Variants in RANBP2 observed in about 807,000 individuals in gnomAD.
The protein encoded by RANBP2 is E3 SUMO-protein ligase RanBP2.
In RANBP2, 57 loss-of-function variants were observed where a neutral mutation model predicts 303.6. That is an observed-to-expected ratio of 0.19 (90% CI 0.15 to 0.23). The LOEUF is 0.23. RANBP2 is among the 10% of genes least tolerant of loss of function. RANBP2 has a pLI of 1.00. For synonymous variants in RANBP2, 1,167 were observed against 1,301.5 expected (o/e 0.90, Z 2.23); for missense variants, 3,138 against 3,780.8 (o/e 0.83, Z 4.46).
At chr2:109,522,603 C>T in the RANBP2 span, among the ~76,000 whole-genome samples, 15 of 149,636 alleles carry the variant, frequency 1.0e-4, no homozygotes, top group African/African-American at 3.5e-4. Flanking sequence ...CGTGCCCAGC[C>T]TTTTTTTTTC....
chr2:109,125,766 T>C, the RANBP2 span, among the ~76,000 whole-genome samples: 1 of 152,362 alleles, frequency 6.6e-6, no homozygotes, highest in Non-Finnish European at 1.5e-5. Context: ...AATTGGCTTA[T>C]TGAACATGTG....
chr2:108,999,800 G>A, the RANBP2 span, among the ~76,000 whole-genome samples: 5 of 152,154 alleles, frequency 3.3e-5, no homozygotes, highest in Non-Finnish European at 4.4e-5. Context: ...ATGGCGGGAG[G>A]AGGCATGGGG....
chr2:109,581,877 G>A, the RANBP2 span, among the ~76,000 whole-genome samples: 1 of 152,138 alleles, frequency 6.6e-6, no homozygotes, highest in Non-Finnish European at 1.5e-5. Flanking sequence ...AAAAGAAAAA[G>A]TCAAATTATC....
At chr2:109,380,596 C>G in the RANBP2 span, among the ~76,000 whole-genome samples, 3 of 152,352 alleles carry the variant, frequency 2.0e-5, no homozygotes, top group African/African-American at 7.2e-5. Context: ...GCCAGCCTCC[C>G]TGGGAGCTTC....
intron 6 of RANBP2, among the ~76,000 whole-genome samples, chr2:108,737,249 A>G (rs187779963): frequency 8.6e-5 from 13 of 151,832 alleles, no homozygotes; most frequent in Non-Finnish European, 1.3e-4. Context: ...TGTATACTCA[A>G]ATTTTTGGTC....
the RANBP2 span, among the ~76,000 whole-genome samples, chr2:108,994,276 C>T: frequency 2.0e-5 from 3 of 152,194 alleles, no homozygotes; most frequent in Non-Finnish European, 2.9e-5. Flanking sequence ...CCAGGAGCTT[C>T]GTGCAGGGCA....
chr2:109,729,744 G>A, the RANBP2 span, among the ~76,000 whole-genome samples: 1 of 152,188 alleles, frequency 6.6e-6, no homozygotes, highest in Non-Finnish European at 1.5e-5. Flanking sequence ...CTGGCTGAAG[G>A]AAGGAGGGAA....
chr2:109,648,206 T>C, the RANBP2 span, among the ~76,000 whole-genome samples: 1 of 152,026 alleles, frequency 6.6e-6, no homozygotes, highest in Non-Finnish European at 1.5e-5. Flanking sequence ...GGGAGAAGAA[T>C]GTGAACACCG....
At chr2:108,837,149 A>G in the RANBP2 span, among the ~76,000 whole-genome samples, 1 of 151,994 alleles carries the variant, frequency 6.6e-6, no homozygotes, top group African/African-American at 2.4e-5. Flanking sequence ...TCATTCTTTT[A>G]CCTTCAGAGT....
At chr2:108,726,755 G>C (rs1371832591) in intron 1 of RANBP2, among the ~76,000 whole-genome samples, 2 of 151,870 alleles carry the variant, frequency 1.3e-5, no homozygotes, top group Non-Finnish European at 2.9e-5. Flanking sequence ...AAGGTCTCTG[G>C]TTTTCCTAGG....
chr2:109,567,696 A>G, the RANBP2 span: 48,713 of 1,022,954 alleles, frequency 0.048, 3,138 homozygotes, highest in Admixed American at 0.27. Context: ...TTGAAAATTC[A>G]CCTTGTTTGA....
chr2:109,729,542 C>T, the RANBP2 span, among the ~76,000 whole-genome samples: 9 of 151,986 alleles, frequency 5.9e-5, no homozygotes, highest in South Asian at 2.1e-4. Context: ...CCCAGCTACA[C>T]GGGAGGTTGA....
At chr2:108,855,731 C>T in the RANBP2 span, among the ~76,000 whole-genome samples, 63 of 152,290 alleles carry the variant, frequency 4.1e-4, no homozygotes, top group East Asian at 0.012. Context: ...TCACTTCACA[C>T]AAGTTATTCT....
At chr2:109,533,130 A>G in the RANBP2 span, among the ~76,000 whole-genome samples, 1 of 152,184 alleles carries the variant, frequency 6.6e-6, no homozygotes. Context: ...AGCACAAAGG[A>G]GCTCTAAAAC....
the RANBP2 span, among the ~76,000 whole-genome samples, chr2:109,637,054 T>C: frequency 6.6e-6 from 1 of 152,080 alleles, no homozygotes; most frequent in African/African-American, 2.4e-5. Context: ...TAAAAAGGAA[T>C]GTAGTAGGAG....
chr2:109,735,123 A>T, the RANBP2 span, among the ~76,000 whole-genome samples: 1 of 152,240 alleles, frequency 6.6e-6, no homozygotes, highest in East Asian at 1.9e-4. Context: ...TCCAGCTATA[A>T]TTTTTTGTCC....
At chr2:109,078,244 CGT>C in the RANBP2 span, among the ~76,000 whole-genome samples, 51 of 11,808 alleles carry the variant, frequency 4.3e-3, 2 homozygotes, top group African/African-American at 0.016. Context: ...ATATATATAG[CGT>C]GTATATATAT....
the RANBP2 span, among the ~76,000 whole-genome samples, chr2:109,040,515 T>G: frequency 6.6e-6 from 1 of 152,226 alleles, no homozygotes; most frequent in African/African-American, 2.4e-5. Context: ...TTGGAATTTT[T>G]TGTTGGAATT....
intron 23 of RANBP2, among the ~76,000 whole-genome samples, chr2:108,773,850 T>C (rs1558934512): frequency 6.6e-6 from 1 of 152,192 alleles, no homozygotes; most frequent in African/African-American, 2.4e-5. Flanking sequence ...GGTTTCACCA[T>C]GTTGACCAGG....
Sources: allele counts gnomAD v4.1 joint callset (sites outside exome capture counted in the v4.1 genomes callset), GRCh38; gene constraint gnomAD v4.1.1; transcripts MANE v1.5; gene names NCBI Gene and HGNC (gene_info 2026-07-23, HGNC 2026-07-21).